CTNNA3: variants seen among roughly 807,000 people sequenced by gnomAD.
CTNNA3 encodes catenin alpha 3, also known as catenin alpha-3.
A neutral mutation model predicts 95.7 loss-of-function variants in CTNNA3; 76 were observed. The observed-to-expected ratio is 0.79, with a 90% CI of 0.66 to 0.96. The LOEUF is 0.96. Among genes scored for constraint, CTNNA3 ranks in the 40% least tolerant of loss-of-function variants. CTNNA3 has a pLI of 0.00. For missense variants in CTNNA3, 1,191 were observed against 1,089.8 expected (o/e 1.09, Z -1.31); for synonymous variants, 431 against 374.4 (o/e 1.15, Z -1.74).
chr10:66,068,951 G>A (rs1273727161), intron 15 of CTNNA3, among the ~76,000 whole-genome samples: 1 of 152,032 alleles, frequency 6.6e-6, no homozygotes, highest in Non-Finnish European at 1.5e-5. Flanking sequence ...AAATTACACA[G>A]CTATGAAACT....
chr10:67,239,399 TG>T (rs1865629936), intron 5 of CTNNA3, among the ~76,000 whole-genome samples: 3 of 149,760 alleles, frequency 2.0e-5, no homozygotes, highest in African/African-American at 7.4e-5. Context: ...TAAAAGAGTA[TG>T]TATGGTTTAA....
intron 7 of CTNNA3, among the ~76,000 whole-genome samples, chr10:66,929,149 G>A (rs115529390): frequency 7.7e-4 from 117 of 152,244 alleles, no homozygotes; most frequent in African/African-American, 2.8e-3. Context: ...TAAAGTTTTC[G>A]ACTCAGCCTT....
chr10:67,669,518 C>T (rs1412538583), intron 1 of CTNNA3, among the ~76,000 whole-genome samples: 1 of 152,148 alleles, frequency 6.6e-6, no homozygotes, highest in African/African-American at 2.4e-5. Flanking sequence ...GGTTCAAATT[C>T]AAACTCACTT....
intron 15 of CTNNA3, among the ~76,000 whole-genome samples, chr10:66,015,148 G>A (rs932564168): frequency 6.6e-5 from 10 of 151,520 alleles, no homozygotes; most frequent in Admixed American, 5.9e-4. Flanking sequence ...TAAACTTTTT[G>A]ATTTAATAAA....
rs550273996 is a variant in CTNNA3, at chr10:66,864,288, C to T, written c.1048-88764G>A. ...TGTTATCACAGGAGTTGGTTAGTTA[C>T]CATGGGAATTAGTTAGTTATCATGA... On this transcript the variant is annotated intron_variant, in intron 7 of 17. Transcript: ENST00000433211. Among the ~76,000 whole-genome samples the T allele has an allele frequency of 3.6e-4, 55 of 152,184 alleles. No individual in the cohort carries two copies. In the South Asian group the frequency reaches 7.0e-3, roughly 20 times the overall value.
chr10:67,485,796 C>T (rs1263308433), intron 5 of CTNNA3, among the ~76,000 whole-genome samples: 4 of 152,178 alleles, frequency 2.6e-5, no homozygotes, highest in African/African-American at 9.7e-5. Flanking sequence ...CCTAAAAGGC[C>T]TCAGCTTTGG....
intron 9 of CTNNA3, among the ~76,000 whole-genome samples, chr10:66,729,261 C>T (rs931566040): frequency 6.6e-6 from 1 of 152,246 alleles, no homozygotes; most frequent in African/African-American, 2.4e-5. Context: ...AATACCATCT[C>T]ATGCCAGTCA....
chr10:66,305,530 T>C (rs1392658343), intron 12 of CTNNA3, among the ~76,000 whole-genome samples: 1 of 152,186 alleles, frequency 6.6e-6, no homozygotes, highest in East Asian at 1.9e-4. Flanking sequence ...AAAATATAAT[T>C]AGCACAAGGA....
chr10:66,188,268 C>T (rs2086442868), intron 13 of CTNNA3, among the ~76,000 whole-genome samples: 1 of 152,062 alleles, frequency 6.6e-6, no homozygotes, highest in Admixed American at 6.6e-5. Flanking sequence ...TACTAGCATA[C>T]TTACCTTTTA....
intron 7 of CTNNA3, among the ~76,000 whole-genome samples, chr10:66,981,351 A>G (rs1850429708): frequency 6.6e-6 from 1 of 152,222 alleles, no homozygotes; most frequent in South Asian, 2.1e-4. Flanking sequence ...TCCTGCTTTA[A>G]AACTTCATCA....
At chr10:66,827,357 C>T (rs148240305) in intron 7 of CTNNA3, among the ~76,000 whole-genome samples, 2,604 of 152,262 alleles carry the variant, frequency 0.017, 32 homozygotes, top group Non-Finnish European at 0.028. Flanking sequence ...TATTAATTTG[C>T]TTGCTTTCTC....
At chr10:66,137,081 CA>C (rs2133866625) in intron 13 of CTNNA3, among the ~76,000 whole-genome samples, 1 of 152,208 alleles carries the variant, frequency 6.6e-6, no homozygotes, top group African/African-American at 2.4e-5. Flanking sequence ...CTCAGCCTCC[CA>C]AAGTGGCTTG....
intron 5 of CTNNA3, among the ~76,000 whole-genome samples, chr10:67,236,480 G>A (rs945994715): frequency 7.1e-6 from 1 of 140,000 alleles, no homozygotes; most frequent in African/African-American, 2.6e-5. Flanking sequence ...ATGGACACAG[G>A]AAGGGGAACA....
At chr10:66,527,658 C>T (rs1043277923) in intron 10 of CTNNA3, among the ~76,000 whole-genome samples, 5 of 152,052 alleles carry the variant, frequency 3.3e-5, no homozygotes, top group South Asian at 2.1e-4. Flanking sequence ...TCACCTCTTT[C>T]GTTAAGCTTA....
At chr10:66,249,579 A>C (rs771537120) in intron 13 of CTNNA3, among the ~76,000 whole-genome samples, 21 of 152,206 alleles carry the variant, frequency 1.4e-4, no homozygotes, top group Admixed American at 1.0e-3. Context: ...CTATAATGAG[A>C]TAACATCTCA....
At chr10:66,631,167 G>A (rs1418367412) in intron 9 of CTNNA3, among the ~76,000 whole-genome samples, 1 of 151,990 alleles carries the variant, frequency 6.6e-6, no homozygotes, top group Non-Finnish European at 1.5e-5. Flanking sequence ...CACACAATCC[G>A]GTCTCTGATA....
intron 7 of CTNNA3, among the ~76,000 whole-genome samples, chr10:66,840,965 T>C (rs1329064261): frequency 1.3e-5 from 2 of 152,190 alleles, no homozygotes; most frequent in African/African-American, 4.8e-5. Flanking sequence ...TCTTTCTAAT[T>C]TTGTCATTCT....
At chr10:66,014,862 T>C (rs2079064049) in intron 15 of CTNNA3, among the ~76,000 whole-genome samples, 1 of 152,132 alleles carries the variant, frequency 6.6e-6, no homozygotes, top group Admixed American at 6.6e-5. Context: ...CCCAGCACTG[T>C]GGGAGGCTGA....
At chr10:67,189,142 C>CA (rs202123310) in intron 6 of CTNNA3, among the ~76,000 whole-genome samples, 20,763 of 138,712 alleles carry the variant, frequency 0.15, 1,865 homozygotes, top group African/African-American at 0.29. Flanking sequence ...ACAACAACAA[C>CA]AAAAAAAAAA....
Sources: gnomAD v4.1 joint callset for allele counts (sites outside exome capture counted in the v4.1 genomes callset) on GRCh38, gnomAD v4.1.1 for gene constraint, MANE v1.5 for transcripts, NCBI Gene and HGNC (gene_info 2026-07-23, HGNC 2026-07-21) for gene names.